Variants in EXOC4 observed in about 807,000 individuals in gnomAD.
EXOC4 encodes exocyst complex component 4.
Under a neutral mutation model 107.2 loss-of-function variants are expected in EXOC4, and 71 were observed. That is an observed-to-expected ratio of 0.66 (90% CI 0.55 to 0.81). EXOC4 has a LOEUF of 0.81. Ranked by LOEUF, EXOC4 falls within the 30% of genes least tolerant of loss-of-function variation. The pLI, the probability that EXOC4 is intolerant of heterozygous loss-of-function variation, is 0.00. For synonymous variants in EXOC4, 456 were observed against 441.2 expected (o/e 1.03, Z -0.42); for missense variants, 1,108 against 1,189.6 (o/e 0.93, Z 1.01).
At chr7:134,022,569 A>G (rs1187321157) in intron 17 of EXOC4, among the ~76,000 whole-genome samples, 2 of 152,194 alleles carry the variant, frequency 1.3e-5, no homozygotes, top group Admixed American at 1.3e-4. Context: ...ATTAAAAAAA[A>G]AAATCTGTTT....
At chr7:133,566,314 G>C (rs1800905309) in intron 9 of EXOC4, among the ~76,000 whole-genome samples, 1 of 152,158 alleles carries the variant, frequency 6.6e-6, no homozygotes, top group Non-Finnish European at 1.5e-5. Context: ...GCAGTGTAGA[G>C]AGTGATTATT....
At chr7:133,263,858 C>G (rs1482377109) in intron 1 of EXOC4, among the ~76,000 whole-genome samples, 6 of 152,196 alleles carry the variant, frequency 3.9e-5, no homozygotes, top group African/African-American at 1.4e-4. Flanking sequence ...ATGTCCTCTT[C>G]CCTCTCCCCT....
chr7:134,054,466 C>G (rs183998152), intron 17 of EXOC4, among the ~76,000 whole-genome samples: 104 of 152,262 alleles, frequency 6.8e-4, no homozygotes, highest in Non-Finnish European at 1.3e-3. Context: ...TTCCTGGAGT[C>G]CTTGATGTGA....
intron 16 of EXOC4, 90 bp downstream of exon 16, chr7:134,005,180 T>C: frequency 7.6e-7 from 1 of 1,322,706 alleles, no homozygotes; most frequent in African/African-American, 1.5e-5. Context: ...TCAAGACTTG[T>C]AGAAAAGAGT....
intron 7 of EXOC4, among the ~76,000 whole-genome samples, chr7:133,448,641 A>G (rs1798272901): frequency 6.6e-6 from 1 of 152,134 alleles, no homozygotes; most frequent in Non-Finnish European, 1.5e-5. Context: ...TCCTCCGCTT[A>G]TGGTGGATAG....
chr7:133,906,318 G>A (rs10224828), intron 12 of EXOC4, among the ~76,000 whole-genome samples: 71,002 of 151,908 alleles, frequency 0.47, 17,923 homozygotes, highest in African/African-American at 0.66. Context: ...AGAGTGAGAG[G>A]CAGGACTAGC....
In EXOC4 at chr7:133,582,977, GTTGT is replaced by G. The variant is rs553348021; in HGVS notation, c.1418-47065_1418-47062del. On this transcript the variant is annotated intron_variant, in intron 9 of 17. Transcript: ENST00000253861. ...ACATCAGTATTACGTATTCTTTAGT[GTTGT>G]TTAACAGCTTTTTGAGAAATAATTC... 7.4e-3 allele frequency among the ~76,000 whole-genome samples: 1,120 copies of G among 152,284 alleles called. 13 individuals carry two copies. The highest frequency in any genetic ancestry group is 9.6e-3 in the Non-Finnish European group (653 of 68,012).
At chr7:133,852,424 C>A (rs779318510) in intron 11 of EXOC4, among the ~76,000 whole-genome samples, 1 of 152,118 alleles carries the variant, frequency 6.6e-6, no homozygotes, top group Admixed American at 6.5e-5. Context: ...TTGAAAGAAT[C>A]CATTAAGCGA....
chr7:133,792,806 A>G (rs934899674), intron 10 of EXOC4, among the ~76,000 whole-genome samples: 2 of 152,172 alleles, frequency 1.3e-5, no homozygotes, highest in African/African-American at 4.8e-5. Flanking sequence ...TGTTCTGAAA[A>G]AGTGTATAAA....
chr7:133,997,619 A>C lies in EXOC4; in HGVS notation c.2334A>C (p.Leu778Phe). 1 of 1,613,266 alleles carries C rather than the reference A, an allele frequency of 6.2e-7. No homozygotes were observed. Among genetic ancestry groups the C allele is most frequent in the Non-Finnish European group, 8.5e-7 (1 of 1,179,606 alleles). The change falls in exon 15 of 18, where the codon TTA becomes TTC. Residue 778 changes from leucine to phenylalanine, a missense_variant. Coordinates refer to ENST00000253861, the MANE Select transcript of EXOC4 (RefSeq NM_021807.4). ...QDMADRCLLV[L>F]HLEVRVHCFH... is the part of the protein sequence containing the mutation. ...TGGCTGACCGCTGCTTGCTTGTCTTACATCTGGAAGTGAGGTATGATACAG... is the reference window on the plus strand; with the variant it reads ...TGGCTGACCGCTGCTTGCTTGTCTTCCATCTGGAAGTGAGGTATGATACAG...
intron 9 of EXOC4, among the ~76,000 whole-genome samples, chr7:133,588,376 A>G (rs1037319272): frequency 1.3e-5 from 2 of 152,168 alleles, no homozygotes; most frequent in African/African-American, 4.8e-5. Flanking sequence ...CCTAAATACA[A>G]ACCAAATGCT....
At chr7:133,939,929 A>C (rs1321074225) in intron 14 of EXOC4, among the ~76,000 whole-genome samples, 1 of 152,216 alleles carries the variant, frequency 6.6e-6, no homozygotes, top group Non-Finnish European at 1.5e-5. Context: ...AAAGTCAGAA[A>C]GAACTAATTT....
chr7:133,467,923 T>C (rs1410051620), intron 7 of EXOC4, among the ~76,000 whole-genome samples: 1 of 152,168 alleles, frequency 6.6e-6, no homozygotes, highest in Non-Finnish European at 1.5e-5. Flanking sequence ...TTCTCCTTTG[T>C]ATTGTACTCA....
At position 133,257,241 on chromosome 7, in the gene EXOC4, G is replaced by C. The variant is rs1347425097; in HGVS notation, c.86+4054G>C. Among the ~76,000 whole-genome samples, 5 of 152,070 alleles carry C rather than the reference G, an allele frequency of 3.3e-5. 1 individual carries two copies. In the East Asian group the frequency reaches 5.8e-4, roughly 18 times the overall value. On this transcript the variant is annotated intron_variant, in intron 1 of 17. Transcript: ENST00000253861. ...GGCCCTTTAAAATGGAACTAACCGG[G>C]GGGGACAGAATCCTGATTACGTGCT...
At chr7:133,816,877 G>C (rs991049160) in intron 10 of EXOC4, among the ~76,000 whole-genome samples, 1 of 152,184 alleles carries the variant, frequency 6.6e-6, no homozygotes, top group Non-Finnish European at 1.5e-5. Context: ...ACCACCTGCT[G>C]TGCGGTCTGG....
chr7:133,759,048 T>G (rs991612831), intron 10 of EXOC4, among the ~76,000 whole-genome samples: 42 of 152,322 alleles, frequency 2.8e-4, no homozygotes, highest in African/African-American at 9.4e-4. Context: ...TGATGAATTT[T>G]TTTGGATTTA....
chr7:133,799,970 G>A (rs192693324), intron 10 of EXOC4, among the ~76,000 whole-genome samples: 3 of 152,246 alleles, frequency 2.0e-5, no homozygotes, highest in Admixed American at 2.0e-4. Flanking sequence ...AGTGAGTCAG[G>A]TAGCTGTAGC....
chr7:133,708,882 C>T (rs1007037575), intron 10 of EXOC4, among the ~76,000 whole-genome samples: 1 of 152,248 alleles, frequency 6.6e-6, no homozygotes, highest in Non-Finnish European at 1.5e-5. Flanking sequence ...CATAGCTCCA[C>T]TACTGTACTG....
chr7:133,460,837 C>T (rs955967106), intron 7 of EXOC4, among the ~76,000 whole-genome samples: 1 of 152,080 alleles, frequency 6.6e-6, no homozygotes, highest in Non-Finnish European at 1.5e-5. Context: ...TAAGATACTT[C>T]AGTGGAAATA....
Sources: allele counts gnomAD v4.1 joint callset (sites outside exome capture counted in the v4.1 genomes callset), GRCh38; gene constraint gnomAD v4.1.1; transcripts MANE v1.5; gene names NCBI Gene and HGNC (gene_info 2026-07-23, HGNC 2026-07-21).